Variants in XXYLT1 observed in about 807,000 individuals in gnomAD.
The protein encoded by XXYLT1 is xyloside xylosyltransferase 1, also known as UDP-xylose:alpha-xyloside alpha-1,3-xylosyltransferase.
A neutral mutation model predicts 28.9 loss-of-function variants in XXYLT1; 20 were observed. The ratio of observed to expected loss-of-function variants is 0.69; its 90% CI spans 0.49 to 1.00. The LOEUF is 1.00. Ranked by LOEUF, XXYLT1 falls within the 50% of genes least tolerant of loss-of-function variation. XXYLT1 has a pLI of 0.00. For synonymous variants in XXYLT1, 257 were observed against 253.8 expected (o/e 1.01, Z -0.12); for missense variants, 542 against 560.1 (o/e 0.97, Z 0.33).
intron 3 of XXYLT1, among the ~76,000 whole-genome samples, chr3:195,144,097 T>C (rs1719705007): frequency 6.7e-6 from 1 of 149,318 alleles, no homozygotes; most frequent in African/African-American, 2.4e-5. Flanking sequence ...TTTCACTATG[T>C]TGGCCAGGCT....
At position 195,253,927 on chromosome 3, in the gene XXYLT1, T is replaced by C. The variant is rs190463686; in HGVS notation, c.504+16628A>G. Among the ~76,000 whole-genome samples the C allele has an allele frequency of 1.3e-3, 203 of 152,332 alleles. 2 individuals are homozygous for C. The highest frequency in any genetic ancestry group is 4.4e-3 in the African/African-American group (181 of 41,576). ...AAACGCTGCTCAGCAAATTCAACTA[T>C]GTAGCCAATCACTCTTCCCTCAAGT... On this transcript the variant is annotated intron_variant, in intron 1 of 3. Coordinates refer to ENST00000310380, the MANE Select transcript of XXYLT1 (RefSeq NM_152531.5).
At chr3:195,112,326 T>C (rs1310261370) in intron 3 of XXYLT1, among the ~76,000 whole-genome samples, 2 of 152,126 alleles carry the variant, frequency 1.3e-5, no homozygotes. Flanking sequence ...CTGTCCACAC[T>C]GATCCACTCT....
chr3:195,251,644 A>G (rs930550599), intron 1 of XXYLT1, among the ~76,000 whole-genome samples: 31 of 152,158 alleles, frequency 2.0e-4, no homozygotes, highest in Admixed American at 1.8e-3. Flanking sequence ...GAGGTGGCAC[A>G]AAGGAGCCAC....
At chr3:195,186,579 TA>T (rs1722204775) in intron 2 of XXYLT1, among the ~76,000 whole-genome samples, 7 of 152,088 alleles carry the variant, frequency 4.6e-5, no homozygotes, top group Non-Finnish European at 1.0e-4. Context: ...TGTCTCACCT[TA>T]AATGTCACTG....
At chr3:195,238,672 G>A (rs1724654999) in intron 1 of XXYLT1, among the ~76,000 whole-genome samples, 1 of 152,154 alleles carries the variant, frequency 6.6e-6, no homozygotes, top group African/African-American at 2.4e-5. Flanking sequence ...CACACATTGA[G>A]CCCGGGGGTT....
At chr3:195,222,530 C>T (rs1002913291) in intron 2 of XXYLT1, among the ~76,000 whole-genome samples, 2 of 152,098 alleles carry the variant, frequency 1.3e-5, no homozygotes, top group Admixed American at 6.5e-5. Flanking sequence ...GTAATGCTAC[C>T]CTTGGGAGCT....
intron 3 of XXYLT1, among the ~76,000 whole-genome samples, chr3:195,103,461 T>TCACCCCACGCCAGCGGC (rs1716920908): frequency 9.2e-5 from 14 of 152,190 alleles, no homozygotes; most frequent in East Asian, 1.9e-4. Flanking sequence ...CCTGCGTCCA[T>TCACCCCACGCCAGCGGC]CTCTTCTGCA....
At chr3:195,085,138 GGAAAA>G (rs1715649329) in intron 3 of XXYLT1, among the ~76,000 whole-genome samples, 1 of 152,202 alleles carries the variant, frequency 6.6e-6, no homozygotes, top group African/African-American at 2.4e-5. Flanking sequence ...AGGTCAAGTA[GGAAAA>G]GAAATGATTG....
In XXYLT1 at chr3:195,076,762, G is replaced by A. The variant is rs1016530393; in HGVS notation, c.786-6651C>T. 6.6e-6 allele frequency among the ~76,000 whole-genome samples: 1 copy of A among 152,142 alleles called. No homozygotes were observed. The highest frequency in any genetic ancestry group is 1.5e-5 in the Non-Finnish European group (1 of 68,022). ...GGGATCCTGGGAGAGGCATCACCCTGCTCTCTGCCTTCATATTCACATGGC... is the reference window on the plus strand; with the variant it reads ...GGGATCCTGGGAGAGGCATCACCCTACTCTCTGCCTTCATATTCACATGGC... On this transcript the variant is annotated intron_variant, in intron 3 of 3. Transcript: ENST00000310380. This position sits in a 1 kb window ranked among gnomAD's most constrained non-coding sequence, Gnocchi z 5.3.
At chr3:195,234,108 G>A (rs1213792511) in intron 1 of XXYLT1, among the ~76,000 whole-genome samples, 4 of 150,858 alleles carry the variant, frequency 2.7e-5, no homozygotes, top group Non-Finnish European at 4.4e-5. Flanking sequence ...TAGTAGAGAC[G>A]GGGTTTCACC....
At chr3:195,169,837 A>ATGTGTGTG (rs1368856092) in intron 2 of XXYLT1, among the ~76,000 whole-genome samples, 1 of 149,824 alleles carries the variant, frequency 6.7e-6, no homozygotes, top group Non-Finnish European at 1.5e-5. Context: ...ATGTATATTA[A>ATGTGTGTG]TGTGTGTGTG....
chr3:195,198,638 T>C (rs551586622), intron 2 of XXYLT1, among the ~76,000 whole-genome samples: 1 of 152,304 alleles, frequency 6.6e-6, no homozygotes, highest in African/African-American at 2.4e-5. Context: ...ATAGTATTAT[T>C]TTCCACTACT....
intron 1 of XXYLT1, among the ~76,000 whole-genome samples, chr3:195,265,366 CAAAA>C (rs746950258): frequency 1.9e-5 from 2 of 104,920 alleles, no homozygotes; most frequent in East Asian, 2.5e-4. Flanking sequence ...GACTCCATCT[CAAAA>C]AAAAAAAAAA....
At chr3:195,181,108 A>T (rs1190867667) in intron 2 of XXYLT1, among the ~76,000 whole-genome samples, 3 of 152,184 alleles carry the variant, frequency 2.0e-5, no homozygotes, top group Admixed American at 6.5e-5. Flanking sequence ...TAAAAAGAGA[A>T]ATAAAGGTAA....
chr3:195,264,620 A>G (rs1036949026), intron 1 of XXYLT1, among the ~76,000 whole-genome samples: 2 of 152,186 alleles, frequency 1.3e-5, no homozygotes, highest in African/African-American at 4.8e-5. Flanking sequence ...TCTCCTATAC[A>G]TTCCCTGCAA....
intron 1 of XXYLT1, among the ~76,000 whole-genome samples, chr3:195,239,731 G>A (rs1025447571): frequency 6.6e-6 from 1 of 152,234 alleles, no homozygotes; most frequent in East Asian, 1.9e-4. Context: ...CCTTTATGAA[G>A]CCCAGAGTCA....
chr3:195,105,583 T>A (rs535481318), intron 3 of XXYLT1, among the ~76,000 whole-genome samples: 22 of 152,370 alleles, frequency 1.4e-4, no homozygotes, highest in Admixed American at 5.9e-4. Context: ...TGTCAGATGG[T>A]GGAGAAAATG....
At chr3:195,186,222 C>T (rs866535042) in intron 2 of XXYLT1, among the ~76,000 whole-genome samples, 1 of 152,254 alleles carries the variant, frequency 6.6e-6, no homozygotes, top group Non-Finnish European at 1.5e-5. Context: ...TTGAGCTTCA[C>T]TGTGCTCTCC....
At chr3:195,113,491 G>A (rs532306645) in intron 3 of XXYLT1, among the ~76,000 whole-genome samples, 15 of 152,268 alleles carry the variant, frequency 9.9e-5, no homozygotes, top group East Asian at 1.9e-4. Context: ...GGCACAAAGC[G>A]GTTTACTGGT....
Sources: gnomAD v4.1 joint callset for allele counts (sites outside exome capture counted in the v4.1 genomes callset) on GRCh38, gnomAD v4.1.1 for gene constraint, Gnocchi (gnomAD v3.1) non-coding constraint, MANE v1.5 for transcripts, NCBI Gene and HGNC (gene_info 2026-07-23, HGNC 2026-07-21) for gene names.